Variants in USP47 observed in about 807,000 individuals in gnomAD.
USP47 encodes the protein ubiquitin carboxyl-terminal hydrolase 47.
In USP47, 35 loss-of-function variants were observed where a neutral mutation model predicts 165.1. That is an observed-to-expected ratio of 0.21 (90% CI 0.16 to 0.28). USP47 has a LOEUF of 0.28. Ranked by LOEUF, USP47 falls within the 10% of genes least tolerant of loss-of-function variation. The pLI, the probability that USP47 is intolerant of heterozygous loss-of-function variation, is 1.00. For synonymous variants in USP47, 531 were observed against 544.5 expected (o/e 0.98, Z 0.35); for missense variants, 1,277 against 1,607.4 (o/e 0.79, Z 3.52).
At chr11:11,888,747 A>G (rs2134358335) in intron 3 of USP47, among the ~76,000 whole-genome samples, 1 of 152,270 alleles carries the variant, frequency 6.6e-6, no homozygotes, top group South Asian at 2.1e-4. Context: ...GAGATACAAC[A>G]AGAAAAGAAA....
chr11:11,950,850 T>C (rs1856170930), intron 24 of USP47: 1 of 154,152 alleles, frequency 6.5e-6, no homozygotes, highest in Non-Finnish European at 1.4e-5. Context: ...GTTAGGTTTT[T>C]AATACATTTT....
chr11:11,903,164 G>A (rs1164672139), intron 6 of USP47, 99 bp from the exon 7 acceptor site: 7 of 1,196,258 alleles, frequency 5.9e-6, no homozygotes, highest in Non-Finnish European at 8.2e-6. Context: ...CATTATTTAA[G>A]GTAGACTTCA....
chr11:11,932,805 A>T (rs1762688009), intron 14 of USP47, among the ~76,000 whole-genome samples, 199 bp from the exon 15 acceptor site: 1 of 152,134 alleles, frequency 6.6e-6, no homozygotes, highest in Non-Finnish European at 1.5e-5. Flanking sequence ...ATATGGACCT[A>T]ACCATGTGTC....
At chr11:11,915,213 T>C (rs1416193729) in intron 8 of USP47, among the ~76,000 whole-genome samples, 1 of 152,118 alleles carries the variant, frequency 6.6e-6, no homozygotes. Context: ...TTATTCCGAG[T>C]GAAAAAAGCC....
chr11:11,937,296 A>G (rs1855140816), intron 17 of USP47, among the ~76,000 whole-genome samples: 1 of 151,942 alleles, frequency 6.6e-6, no homozygotes, highest in Admixed American at 6.6e-5. Context: ...CCTTTGCATC[A>G]GTGGTTAGTG....
At chr11:11,897,535 T>C in intron 4 of USP47, 62 bp from the exon 5 acceptor site, 1 of 1,198,508 alleles carries the variant, frequency 8.3e-7, no homozygotes, top group Non-Finnish European at 1.2e-6. Flanking sequence ...AAATTCTTAT[T>C]ATGTTTTTGT....
intron 1 of USP47, chr11:11,873,673 A>G (rs1163156912): frequency 1.9e-5 from 8 of 429,678 alleles, no homozygotes; most frequent in Admixed American, 4.4e-5. Context: ...TAGATGATGT[A>G]CTAATACTTT....
intron 7 of USP47, among the ~76,000 whole-genome samples, chr11:11,904,244 G>T (rs1202132894): frequency 2.0e-5 from 3 of 152,146 alleles, no homozygotes; most frequent in Non-Finnish European, 4.4e-5. Flanking sequence ...ACTTCAAAAG[G>T]CCGTCCTAGG....
chr11:11,886,186 C>T (rs1422376329), intron 3 of USP47, among the ~76,000 whole-genome samples: 1 of 152,094 alleles, frequency 6.6e-6, no homozygotes, highest in Non-Finnish European at 1.5e-5. Context: ...GCCAGAATGC[C>T]TCTTCTCCAG....
intron 18 of USP47, 109 bp from the exon 19 acceptor site, chr11:11,940,320 T>C: frequency 8.8e-7 from 1 of 1,142,486 alleles, no homozygotes; most frequent in East Asian, 2.7e-5. Context: ...ATTATGTTTC[T>C]CTCTGCTGCT....
At position 11,888,229 on chromosome 11, in the gene USP47, GAGAT is replaced by G. The variant is rs562671392; in HGVS notation, c.357+3657_357+3660del. ...AACCAAAATCAGCACAGAAATGAAG[GAGAT>G]AGATAGAGACACGAAAAACCTTTCA... is the stretch of plus-strand genomic sequence containing the variant. On this transcript the variant is annotated intron_variant, in intron 3 of 27. Coordinates refer to ENST00000527733, the MANE Select transcript of USP47 (RefSeq NM_001282659.2). Among the ~76,000 whole-genome samples, 340 of 151,864 alleles carry G rather than the reference GAGAT, an allele frequency of 2.2e-3. 2 individuals are homozygous for G. Among genetic ancestry groups the G allele is most frequent in the South Asian group, 6.2e-3 (30 of 4,812 alleles).
rs756233120 is a variant in USP47, at chr11:11,938,297, A to G, written c.2118A>G (p.Glu706=). 6.2e-7 allele frequency: 1 copy of G among 1,612,322 alleles called. No homozygotes were observed. Among genetic ancestry groups the G allele is most frequent in the Non-Finnish European group, 8.5e-7 (1 of 1,178,850 alleles). ...VKVHVVDLKA[E]SVAAPITVRA... ...TTCATGTTGTTGATCTAAAGGCAGA[A>G]TCTGTAGCTGCTCCTATAACTGTTC... Residue 706 remains glutamate, a synonymous_variant, in exon 18 of 28, where the codon GAA becomes GAG. Transcript: ENST00000527733.
At chr11:11,911,839 T>G (rs950686122) in intron 8 of USP47, among the ~76,000 whole-genome samples, 3 of 152,004 alleles carry the variant, frequency 2.0e-5, no homozygotes, top group African/African-American at 7.2e-5. Context: ...TATACGAGGA[T>G]AGACCATATG....
At chr11:11,908,275 T>TTC (rs1032582742) in intron 8 of USP47, among the ~76,000 whole-genome samples, 4 of 152,028 alleles carry the variant, frequency 2.6e-5, no homozygotes, top group South Asian at 2.1e-4. Flanking sequence ...TTTCTTTTTT[T>TTC]TCTCTCTCTC....
chr11:11,953,700 T>C (rs987097383), intron 25 of USP47, among the ~76,000 whole-genome samples: 2 of 152,168 alleles, frequency 1.3e-5, no homozygotes, highest in Admixed American at 6.5e-5. Context: ...GGAACAAATC[T>C]AATTTTAAGA....
At chr11:11,923,345 A>G (rs1196051200) in intron 11 of USP47, among the ~76,000 whole-genome samples, 1 of 151,918 alleles carries the variant, frequency 6.6e-6, no homozygotes, top group Non-Finnish European at 1.5e-5. Context: ...ACTTTATGAG[A>G]CAATTAATAA....
chr11:11,892,835 GA>G (rs981550941), intron 4 of USP47, among the ~76,000 whole-genome samples: 14 of 98,406 alleles, frequency 1.4e-4, no homozygotes, highest in Admixed American at 1.1e-3. Context: ...AAAAAAAAAA[GA>G]AAAAGAAAAA....
At chr11:11,937,332 C>T (rs1021616472) in intron 17 of USP47, among the ~76,000 whole-genome samples, 1 of 151,704 alleles carries the variant, frequency 6.6e-6, no homozygotes, top group African/African-American at 2.4e-5. Context: ...GTGTTTTTTC[C>T]CTAAAAGTTG....
chr11:11,890,027 C>CTTA (rs2134366329), intron 3 of USP47, among the ~76,000 whole-genome samples: 1 of 152,232 alleles, frequency 6.6e-6, no homozygotes, highest in Admixed American at 6.5e-5. Flanking sequence ...GGACTCCTTC[C>CTTA]TTACACCATA....
Sources: allele counts gnomAD v4.1 joint callset (sites outside exome capture counted in the v4.1 genomes callset), GRCh38; gene constraint gnomAD v4.1.1; transcripts MANE v1.5; gene names NCBI Gene and HGNC (gene_info 2026-07-23, HGNC 2026-07-21).